The following FAM222A variants were observed in gnomAD, a reference collection of about 807,000 sequenced individuals.
FAM222A encodes protein FAM222A.
In FAM222A, 7 loss-of-function variants were observed where a neutral mutation model predicts 25.8. That is an observed-to-expected ratio of 0.27 (90% CI 0.15 to 0.51). The LOEUF is 0.51. Ranked by LOEUF, FAM222A falls within the 20% of genes least tolerant of loss-of-function variation. FAM222A has a pLI of 0.97. For synonymous variants in FAM222A, 294 were observed against 298.8 expected (o/e 0.98, Z 0.17); for missense variants, 573 against 640.5 (o/e 0.89, Z 1.14).
intron 2 of FAM222A, among the ~76,000 whole-genome samples, chr12:109,760,175 AC>A (rs1939530868): frequency 6.6e-6 from 1 of 151,986 alleles, no homozygotes; most frequent in Admixed American, 6.6e-5. Flanking sequence ...CATGGACAGC[AC>A]CCCCACACAC....
At position 109,768,329 on chromosome 12, in the gene FAM222A, A is replaced by C. The variant is rs533079318; in HGVS notation, c.400A>C (p.Thr134Pro). 63 of 1,601,098 alleles carry C rather than the reference A, an allele frequency of 3.9e-5. 1 individual carries two copies. The South Asian group carries it at 6.1e-4, about 16-fold the overall frequency. Residue 134 changes from threonine (T) to proline (P), a missense_variant, in exon 3 of 3, where the codon ACC becomes CCC. Thr to Pro is a conservative substitution (Grantham distance 38, BLOSUM62 -1). This residue lies in a region of FAM222A where 412 missense variants were observed against 407.0 expected (regional missense o/e 1.01). Transcript: ENST00000538780. ...SVLKSAEGKR[T>P]KLSPAAVQVG... is the part of the protein sequence containing the mutation. Reference sequence around the variant, plus strand: ...GCTCAAGAGCGCCGAGGGCAAGCGGACCAAGCTGTCACCGGCCGCCGTGCA... The same window carrying C: ...GCTCAAGAGCGCCGAGGGCAAGCGGCCCAAGCTGTCACCGGCCGCCGTGCA...
chr12:109,736,955 A>G (rs1404655481), intron 1 of FAM222A, among the ~76,000 whole-genome samples: 1 of 152,098 alleles, frequency 6.6e-6, no homozygotes, highest in Admixed American at 6.5e-5. Flanking sequence ...TCCTTTGTTC[A>G]GGAGACGTTT....
intron 1 of FAM222A, among the ~76,000 whole-genome samples, chr12:109,742,611 C>CTTTTTTTTTTTTTTT (rs201720366): frequency 7.0e-6 from 1 of 142,240 alleles, no homozygotes. Context: ...CTCTCTCGCT[C>CTTTTTTTTTTTTTTT]TTTTTTTTTT....
Position 109,744,011 on chromosome 12 carries a change from C to G in FAM222A, c.-46-90C>G. On this transcript the variant is annotated intron_variant, in intron 1 of 2. Transcript: ENST00000538780. Reference sequence around the variant, plus strand: ...TGCTTTGAGAGTCTCTGATGTTCTTCGGGGTTGCAGGGAGACTCCCGGGGG... The same window carrying G: ...TGCTTTGAGAGTCTCTGATGTTCTTGGGGGTTGCAGGGAGACTCCCGGGGG... 2.1e-6 allele frequency: 3 copies of G among 1,435,574 alleles called. No homozygotes were observed. In the South Asian group the frequency reaches 4.4e-5, roughly 21 times the overall value. 88.9% of individuals were successfully genotyped at this position (1,435,574 alleles called of 1,614,324 possible). A position where few individuals can be genotyped will look rare whatever the true frequency, so the allele number is the denominator to read the frequency against.
chr12:109,715,518 G>T (rs1235607240), intron 1 of FAM222A, among the ~76,000 whole-genome samples: 1 of 152,218 alleles, frequency 6.6e-6, no homozygotes, highest in Non-Finnish European at 1.5e-5. Flanking sequence ...CAAGGCCGGA[G>T]GGGGCGGGGT....
At chr12:109,717,708 C>T (rs1337839585) in intron 1 of FAM222A, among the ~76,000 whole-genome samples, 1 of 152,190 alleles carries the variant, frequency 6.6e-6, no homozygotes, top group Non-Finnish European at 1.5e-5. Context: ...TAACCCTGGA[C>T]ATCTCTTCCC....
chr12:109,745,709 T>G (rs560558186), intron 2 of FAM222A, among the ~76,000 whole-genome samples: 1 of 152,344 alleles, frequency 6.6e-6, no homozygotes, highest in African/African-American at 2.4e-5. Flanking sequence ...TCTAGCTATG[T>G]TGCCCAGGCT....
At chr12:109,754,415 A>G (rs1888651953) in intron 2 of FAM222A, among the ~76,000 whole-genome samples, 1 of 152,234 alleles carries the variant, frequency 6.6e-6, no homozygotes, top group African/African-American at 2.4e-5. Context: ...GACTTTAGCA[A>G]CGTAAGATCA....
chr12:109,761,869 C>G (rs1395323635), intron 2 of FAM222A, among the ~76,000 whole-genome samples: 1 of 152,120 alleles, frequency 6.6e-6, no homozygotes, highest in Non-Finnish European at 1.5e-5. Flanking sequence ...GCAGAGGAAA[C>G]CCCCGGGTCC....
intron 1 of FAM222A, among the ~76,000 whole-genome samples, chr12:109,716,659 A>G (rs1007965436): frequency 1.3e-5 from 2 of 152,158 alleles, no homozygotes; most frequent in African/African-American, 4.8e-5. Flanking sequence ...TTAGAAACAA[A>G]CTCGGAGTGC....
intron 1 of FAM222A, among the ~76,000 whole-genome samples, chr12:109,740,570 CAGAA>C (rs1250197445): frequency 2.0e-5 from 3 of 152,128 alleles, no homozygotes; most frequent in Admixed American, 6.5e-5. Context: ...GATGGGGTCA[CAGAA>C]AGAACATGAG....
intron 2 of FAM222A, among the ~76,000 whole-genome samples, chr12:109,754,497 A>G (rs1388892385): frequency 6.6e-6 from 1 of 152,356 alleles, no homozygotes; most frequent in South Asian, 2.1e-4. Flanking sequence ...AGATATTTTC[A>G]GCTTTGTGAG....
chr12:109,727,906 T>A (rs938239825), intron 1 of FAM222A, among the ~76,000 whole-genome samples: 2 of 152,116 alleles, frequency 1.3e-5, no homozygotes, highest in Non-Finnish European at 2.9e-5. Context: ...CCCTCAATCG[T>A]GGCGGGACTC....
intron 2 of FAM222A, among the ~76,000 whole-genome samples, chr12:109,754,243 G>A (rs969773307): frequency 6.6e-6 from 1 of 152,136 alleles, no homozygotes; most frequent in African/African-American, 2.4e-5. Flanking sequence ...TTAAAAGGTA[G>A]TATAAGGATT....
At chr12:109,764,851 A>T (rs2136385080) in intron 2 of FAM222A, among the ~76,000 whole-genome samples, 1 of 152,292 alleles carries the variant, frequency 6.6e-6, no homozygotes, top group African/African-American at 2.4e-5. Flanking sequence ...TGTAGTTTAA[A>T]TCCAATCTCG....
chr12:109,753,924 G>A (rs2136363614), intron 2 of FAM222A, among the ~76,000 whole-genome samples: 1 of 152,336 alleles, frequency 6.6e-6, no homozygotes, highest in East Asian at 1.9e-4. Context: ...GCAGCCTGAG[G>A]GATGGAAGGA....
intron 1 of FAM222A, among the ~76,000 whole-genome samples, chr12:109,718,522 G>A (rs368619576): frequency 9.9e-5 from 15 of 151,854 alleles, no homozygotes; most frequent in East Asian, 8.4e-4. Flanking sequence ...ACGAGGAGGC[G>A]CGCACAAAAG....
At chr12:109,755,310 T>C (rs1888692819) in intron 2 of FAM222A, among the ~76,000 whole-genome samples, 4 of 122,168 alleles carry the variant, frequency 3.3e-5, no homozygotes, top group Non-Finnish European at 5.2e-5. Context: ...TTTTTTTTTT[T>C]TTTTTTTTTT....
rs376335256 is a variant in FAM222A, at chr12:109,768,045, G to A, written c.116G>A (p.Arg39His). The change falls in exon 3 of 3, where the codon CGC becomes CAC. Residue 39 changes from arginine to histidine, a missense_variant. Physicochemically the swap from Arg to His is conservative, Grantham distance 29 (BLOSUM62 0). Coordinates refer to ENST00000538780, the MANE Select transcript of FAM222A (RefSeq NM_032829.3). ...EAVASAMHSS[R>H]YPSPAELDAY... Reference sequence around the variant, plus strand: ...GTGGCCAGCGCCATGCATTCCTCCCGCTACCCGAGCCCAGCAGAACTGGAC... The same window carrying A: ...GTGGCCAGCGCCATGCATTCCTCCCACTACCCGAGCCCAGCAGAACTGGAC... 83 of 1,613,440 alleles carry A rather than the reference G, an allele frequency of 5.1e-5. No individual in the cohort carries two copies. In the African/African-American group the frequency reaches 5.3e-4, roughly 10 times the overall value.
Sources: gnomAD v4.1 joint callset for allele counts (sites outside exome capture counted in the v4.1 genomes callset) on GRCh38, gnomAD v4.1.1 for gene constraint, gnomAD v4.1.1 regional missense constraint, MANE v1.5 for transcripts, NCBI Gene and HGNC (gene_info 2026-07-23, HGNC 2026-07-21) for gene names.